Variants in TAS2R1 observed in about 807,000 individuals in gnomAD.
TAS2R1 encodes the protein taste receptor type 2 member 1.
For synonymous variants in TAS2R1, 141 were observed against 134.2 expected (o/e 1.05, Z -0.35); for missense variants, 370 against 353.4 (o/e 1.05, Z -0.38).
chr5:9,858,943 T>C, the TAS2R1 span, among the ~76,000 whole-genome samples: 1 of 152,218 alleles, frequency 6.6e-6, no homozygotes, highest in African/African-American at 2.4e-5. Flanking sequence ...TAAGCAATTT[T>C]GCACAGTTGG....
the TAS2R1 span, among the ~76,000 whole-genome samples, chr5:9,756,246 C>A: frequency 1.3e-5 from 2 of 152,128 alleles, no homozygotes; most frequent in Non-Finnish European, 1.5e-5. Context: ...TACGCGAGAG[C>A]CTTCAGGGAA....
the TAS2R1 span, among the ~76,000 whole-genome samples, chr5:9,870,907 C>T: frequency 2.6e-5 from 4 of 152,118 alleles, no homozygotes; most frequent in Non-Finnish European, 5.9e-5. Context: ...ACTAAACTAA[C>T]TTAAAATGCA....
the TAS2R1 span, among the ~76,000 whole-genome samples, chr5:9,862,052 T>C: frequency 3.4e-4 from 52 of 152,228 alleles, no homozygotes; most frequent in East Asian, 6.0e-3. Context: ...CCCCGTGGTG[T>C]CTCACCAGCT....
the TAS2R1 span, among the ~76,000 whole-genome samples, chr5:9,743,232 TC>T: frequency 6.6e-6 from 1 of 152,168 alleles, no homozygotes; most frequent in South Asian, 2.1e-4. Flanking sequence ...CTCTTCTGCC[TC>T]CCAGGCTTCC....
the TAS2R1 span, among the ~76,000 whole-genome samples, chr5:9,901,794 A>C: frequency 9.0e-4 from 137 of 152,296 alleles, no homozygotes; most frequent in African/African-American, 3.1e-3. Context: ...GGAGAAAAAG[A>C]AAGCACACCT....
the TAS2R1 span, among the ~76,000 whole-genome samples, chr5:9,756,423 T>C: frequency 0.058 from 8,898 of 152,178 alleles, 745 homozygotes; most frequent in African/African-American, 0.18. Flanking sequence ...GTAAGGCAAA[T>C]CCCCAGAATC....
the TAS2R1 span, among the ~76,000 whole-genome samples, chr5:9,736,506 C>G: frequency 6.6e-6 from 1 of 152,196 alleles, no homozygotes; most frequent in Admixed American, 6.5e-5. Context: ...ATTTCAGTTT[C>G]ATGTTCTACA....
At chr5:9,786,242 G>A in the TAS2R1 span, among the ~76,000 whole-genome samples, 1 of 152,194 alleles carries the variant, frequency 6.6e-6, no homozygotes, top group East Asian at 1.9e-4. Context: ...CTAGACAATG[G>A]CTAAGATTGT....
chr5:9,804,882 A>G, the TAS2R1 span, among the ~76,000 whole-genome samples: 10 of 152,272 alleles, frequency 6.6e-5, no homozygotes, highest in African/African-American at 2.4e-4. Context: ...AAGAAAAGAA[A>G]TAATCAAGAT....
chr5:9,650,674 C>T (rs115582243), intron 2 of TAS2R1, among the ~76,000 whole-genome samples: 4 of 152,222 alleles, frequency 2.6e-5, no homozygotes, highest in Non-Finnish European at 5.9e-5. Flanking sequence ...ATTTAAATTT[C>T]ACTTCATCAC....
the TAS2R1 span, among the ~76,000 whole-genome samples, chr5:9,849,689 C>T: frequency 6.6e-6 from 1 of 152,176 alleles, no homozygotes. Context: ...TATCTCACCT[C>T]CTAGGTGGAG....
At chr5:9,849,637 G>A in the TAS2R1 span, among the ~76,000 whole-genome samples, 1 of 152,230 alleles carries the variant, frequency 6.6e-6, no homozygotes. Flanking sequence ...CTGTAGCTTT[G>A]CCCTTATCTC....
chr5:9,721,777 T>C, the TAS2R1 span, among the ~76,000 whole-genome samples: 3 of 152,382 alleles, frequency 2.0e-5, no homozygotes, highest in African/African-American at 7.2e-5. Context: ...TTGAGTATTA[T>C]TTATGAAATA....
the TAS2R1 span, among the ~76,000 whole-genome samples, chr5:9,797,140 C>A: frequency 6.6e-6 from 1 of 152,168 alleles, no homozygotes; most frequent in African/African-American, 2.4e-5. Flanking sequence ...GAGGATGTCA[C>A]AACTGTCCCC....
rs1049398706 is a variant in TAS2R1 at position 9,686,600 on chromosome 5, G to C, written c.-242+25572C>G. On this transcript the variant is annotated intron_variant, in intron 1 of 2. Coordinates refer to the TAS2R1 transcript ENST00000506620. The stretch of plus-strand genomic sequence containing the variant: ...AACAAAAAAAGAGAGAGACAAAGAT[G>C]GGGGGAAGGGAGGAGAGGAAGTGGG... 6.3e-4 allele frequency among the ~76,000 whole-genome samples: 96 copies of C among 152,112 alleles called. 4 individuals carry two copies. Among genetic ancestry groups the C allele is most frequent in the Non-Finnish European group, 4.4e-5 (3 of 68,022 alleles).
intron 2 of TAS2R1, among the ~76,000 whole-genome samples, chr5:9,639,324 A>G (rs2126479717): frequency 6.6e-6 from 1 of 152,178 alleles, no homozygotes; most frequent in Non-Finnish European, 1.5e-5. Flanking sequence ...CTACTTTTAT[A>G]TTTGGCACAA....
chr5:9,832,463 C>T, the TAS2R1 span, among the ~76,000 whole-genome samples: 1 of 152,182 alleles, frequency 6.6e-6, no homozygotes, highest in Non-Finnish European at 1.5e-5. Flanking sequence ...GAAGGTGGAC[C>T]TTTCCGCCAT....
At chr5:9,717,584 C>G in the TAS2R1 span, among the ~76,000 whole-genome samples, 1 of 151,838 alleles carries the variant, frequency 6.6e-6, no homozygotes, top group African/African-American at 2.4e-5. Flanking sequence ...AATACCGCTA[C>G]CAGATGTTAA....
chr5:9,783,251 G>T, the TAS2R1 span, among the ~76,000 whole-genome samples: 1 of 152,044 alleles, frequency 6.6e-6, no homozygotes, highest in Non-Finnish European at 1.5e-5. Flanking sequence ...TCTCACTCAG[G>T]CATCTGCAAA....
Sources: gnomAD v4.1 joint callset for allele counts (sites outside exome capture counted in the v4.1 genomes callset) on GRCh38, gnomAD v4.1.1 for gene constraint, MANE v1.5 for transcripts, NCBI Gene and HGNC (gene_info 2026-07-23, HGNC 2026-07-21) for gene names.